The following SLC9A9 variants were observed in gnomAD, a reference collection of about 807,000 sequenced individuals.
SLC9A9 encodes solute carrier family 9 member A9, also known as sodium/hydrogen exchanger 9.
Under a neutral mutation model 77.8 loss-of-function variants are expected in SLC9A9, and 62 were observed. That is an observed-to-expected ratio of 0.80 (90% CI 0.65 to 0.98). The LOEUF (loss-of-function observed/expected upper bound fraction) is 0.98. SLC9A9 is among the 50% of genes least tolerant of loss of function. SLC9A9 has a pLI of 0.00. For synonymous variants in SLC9A9, 320 were observed against 283.5 expected (o/e 1.13, Z -1.29); for missense variants, 775 against 774.9 (o/e 1.00, Z 0.00).
chr3:143,449,041 T>G (rs2034908016), intron 12 of SLC9A9, among the ~76,000 whole-genome samples: 1 of 43,880 alleles, frequency 2.3e-5, no homozygotes, highest in African/African-American at 1.4e-4. Flanking sequence ...TTATATAAAA[T>G]ATAATTATAT....
chr3:143,811,693 A>G, intron 2 of SLC9A9: 1 of 454,936 alleles, frequency 2.2e-6, no homozygotes, highest in East Asian at 7.0e-5. Context: ...TTAAAAAACA[A>G]AAACAAAAAA....
chr3:143,518,985 G>C (rs114801294), intron 9 of SLC9A9, among the ~76,000 whole-genome samples: 4,135 of 152,244 alleles, frequency 0.027, 63 homozygotes, highest in Non-Finnish European at 0.037. Context: ...CCACATCCTT[G>C]CCCAAACTTG....
chr3:143,552,579 A>G (rs2036911962), intron 8 of SLC9A9, 129 bp from the exon 9 acceptor site: 3 of 721,548 alleles, frequency 4.2e-6, no homozygotes, highest in Non-Finnish European at 7.3e-6. Context: ...TTACCATGAT[A>G]ATGCAACCTA....
chr3:143,472,206 G>A (rs2035389932), intron 11 of SLC9A9, among the ~76,000 whole-genome samples: 2 of 152,194 alleles, frequency 1.3e-5, no homozygotes, highest in African/African-American at 2.4e-5. Context: ...CTGTTCCAGT[G>A]TTCATGGTCC....
chr3:143,459,746 T>C (rs2035157727), intron 12 of SLC9A9, among the ~76,000 whole-genome samples: 1 of 152,118 alleles, frequency 6.6e-6, no homozygotes, highest in Non-Finnish European at 1.5e-5. Context: ...AAAGCCTCTT[T>C]TCCTGGTCCT....
At chr3:143,734,008 GA>G (rs1216558688) in intron 4 of SLC9A9, among the ~76,000 whole-genome samples, 1 of 152,108 alleles carries the variant, frequency 6.6e-6, no homozygotes, top group Admixed American at 6.5e-5. Flanking sequence ...ACCAGCCTGG[GA>G]AACATAGCAA....
chr3:143,450,327 A>G (rs1028555959), intron 12 of SLC9A9, among the ~76,000 whole-genome samples: 1 of 150,158 alleles, frequency 6.7e-6, no homozygotes, highest in African/African-American at 2.4e-5. Context: ...TTAGTTTGTT[A>G]TTCAGTTCTT....
intron 12 of SLC9A9, among the ~76,000 whole-genome samples, chr3:143,406,279 G>T (rs976161899): frequency 6.6e-6 from 1 of 152,044 alleles, no homozygotes; most frequent in Non-Finnish European, 1.5e-5. Flanking sequence ...TATTTAAAAC[G>T]GAGAATAATA....
intron 8 of SLC9A9, among the ~76,000 whole-genome samples, chr3:143,557,857 A>G (rs2037014299): frequency 6.6e-6 from 1 of 152,252 alleles, no homozygotes; most frequent in Non-Finnish European, 1.5e-5. Context: ...ATGCAATAGA[A>G]AAAAATAAAA....
intron 4 of SLC9A9, among the ~76,000 whole-genome samples, chr3:143,694,160 C>T (rs573834409): frequency 3.9e-5 from 6 of 152,164 alleles, no homozygotes; most frequent in Middle Eastern, 6.8e-3. Context: ...TTTAAACACT[C>T]ACGTGAACTT....
At chr3:143,595,739 C>T (rs1559985206) in intron 6 of SLC9A9, among the ~76,000 whole-genome samples, 1 of 152,120 alleles carries the variant, frequency 6.6e-6, no homozygotes, top group South Asian at 2.1e-4. Context: ...TGGGAATAAA[C>T]GTGGGCAATA....
At chr3:143,736,115 T>C (rs932530045) in intron 4 of SLC9A9, among the ~76,000 whole-genome samples, 1 of 152,196 alleles carries the variant, frequency 6.6e-6, no homozygotes, top group Non-Finnish European at 1.5e-5. Context: ...ATTTGGCTCA[T>C]TGAACTTCTA....
At chr3:143,298,398 T>C (rs1302548702) in intron 14 of SLC9A9, among the ~76,000 whole-genome samples, 1 of 152,214 alleles carries the variant, frequency 6.6e-6, no homozygotes, top group African/African-American at 2.4e-5. Flanking sequence ...GTCCAGAGCC[T>C]TGATGCATTT....
At chr3:143,344,567 A>G (rs1208973093) in intron 14 of SLC9A9, 1 of 152,182 alleles carries the variant, frequency 6.6e-6, no homozygotes, top group African/African-American at 2.4e-5. Context: ...AACTCTACCA[A>G]ATGTAAGAAA....
chr3:143,623,927 G>A (rs974603854), intron 6 of SLC9A9, among the ~76,000 whole-genome samples: 8 of 152,042 alleles, frequency 5.3e-5, no homozygotes, highest in African/African-American at 1.9e-4. Context: ...AAATGATAAA[G>A]GGGATACCAC....
intron 14 of SLC9A9, among the ~76,000 whole-genome samples, chr3:143,320,770 C>G (rs78219486): frequency 2.0e-5 from 3 of 152,130 alleles, no homozygotes; most frequent in African/African-American, 7.2e-5. Flanking sequence ...TATGTTCAAG[C>G]CTTAACCCCT....
chr3:143,354,310 C>T (rs921629942), intron 14 of SLC9A9, among the ~76,000 whole-genome samples: 5 of 152,168 alleles, frequency 3.3e-5, no homozygotes, highest in African/African-American at 1.2e-4. Flanking sequence ...CTCTATTAAC[C>T]ACCAGCATAA....
intron 5 of SLC9A9, among the ~76,000 whole-genome samples, chr3:143,667,743 C>G (rs1254394604): frequency 6.6e-6 from 1 of 152,226 alleles, no homozygotes; most frequent in Admixed American, 6.5e-5. Context: ...TGTTCATCAT[C>G]ACTGGCCATC....
intron 5 of SLC9A9, among the ~76,000 whole-genome samples, chr3:143,659,912 G>T (rs894405392): frequency 3.3e-5 from 5 of 152,160 alleles, no homozygotes; most frequent in Admixed American, 6.5e-5. Context: ...CTGTTCTTGT[G>T]ATAGTGAGCA....
Sources: allele counts gnomAD v4.1 joint callset (sites outside exome capture counted in the v4.1 genomes callset), GRCh38; gene constraint gnomAD v4.1.1; transcripts MANE v1.5; gene names NCBI Gene and HGNC (gene_info 2026-07-23, HGNC 2026-07-21).